Variants in IL1RAPL1 observed in about 807,000 individuals in gnomAD.
The protein encoded by IL1RAPL1 is interleukin-1 receptor accessory protein-like 1.
IL1RAPL1 carries 3 observed loss-of-function variants against 48.4 expected under a neutral mutation model. The observed-to-expected ratio is 0.06, with a 90% CI of 0.03 to 0.16. The LOEUF is 0.16. IL1RAPL1 is among the 10% of genes least tolerant of loss of function. The pLI is 1.00. For synonymous variants in IL1RAPL1, 185 were observed against 187.7 expected, an observed-to-expected ratio of 0.99 and a Z score of 0.12; for missense variants, 349 against 530.6, an observed-to-expected ratio of 0.66 and a Z score of 3.36.
chrX:29,561,568 T>G (rs1602297920), intron 5 of IL1RAPL1, among the ~76,000 whole-genome samples: 1 of 112,016 alleles, frequency 8.9e-6, no homozygotes, highest in East Asian at 2.8e-4. Flanking sequence ...TTGGGCAACA[T>G]TCTGACTAGC....
At chrX:28,650,843 T>A (rs1001620287) in intron 1 of IL1RAPL1, among the ~76,000 whole-genome samples, 4 of 112,043 alleles carry the variant, frequency 3.6e-5, no homozygotes, top group Non-Finnish European at 7.5e-5. Flanking sequence ...TTTTGTATGG[T>A]CTCCAAGCTA....
chrX:28,794,701 G>A (rs1016411723), intron 2 of IL1RAPL1, among the ~76,000 whole-genome samples: 10 of 111,938 alleles, frequency 8.9e-5, no homozygotes, highest in Non-Finnish European at 1.5e-4. Context: ...AGGAAGGCAA[G>A]CCTCAAAAGG....
At chrX:29,240,224 ATTTTTT>A (rs55639151) in intron 2 of IL1RAPL1, among the ~76,000 whole-genome samples, 2 of 13,339 alleles carry the variant, frequency 1.5e-4, no homozygotes, top group African/African-American at 8.1e-4. Context: ...ATATATATAT[ATTTTTT>A]TTTTTTTTTT....
intron 2 of IL1RAPL1, among the ~76,000 whole-genome samples, chrX:29,012,128 A>G (rs1376247489): frequency 8.9e-6 from 1 of 112,777 alleles, no homozygotes; most frequent in Non-Finnish European, 1.9e-5. Flanking sequence ...AATGCATATT[A>G]TGGAAAAGCA....
At chrX:28,963,389 AC>A (rs1240512715) in intron 2 of IL1RAPL1, among the ~76,000 whole-genome samples, 1 of 110,808 alleles carries the variant, frequency 9.0e-6, no homozygotes, top group Non-Finnish European at 1.9e-5. Context: ...TCCTCTGCAT[AC>A]CCCCAATATA....
intron 6 of IL1RAPL1, among the ~76,000 whole-genome samples, chrX:29,670,467 G>A (rs1288895379): frequency 9.0e-6 from 1 of 111,697 alleles, no homozygotes; most frequent in Non-Finnish European, 1.9e-5. Context: ...ATTTTGTTGT[G>A]TTTTATGATT....
intron 3 of IL1RAPL1, among the ~76,000 whole-genome samples, chrX:29,357,288 C>T (rs757418697): frequency 8.9e-6 from 1 of 111,855 alleles, no homozygotes; most frequent in African/African-American, 3.2e-5. Flanking sequence ...TTTAAAAGTA[C>T]TCTTCAGTGA....
rs370129379 is a variant in IL1RAPL1, at chrX:29,396,455, C to T, written c.549+11C>T. The T allele has an allele frequency of 3.8e-5, 45 of 1,198,232 alleles. No individual in the cohort carries two copies. The highest frequency in any genetic ancestry group is 4.8e-5 in the Non-Finnish European group (42 of 884,202). On this transcript the variant is annotated intron_variant, in intron 4 of 10. Coordinates refer to ENST00000378993, the MANE Select transcript of IL1RAPL1 (RefSeq NM_014271.4). Reference sequence around the variant, plus strand: ...ATCCTTTGGTACAAGGTATGGACTGCGGGTGGTTCTATTTCCTATTAACAA... The same window carrying T: ...ATCCTTTGGTACAAGGTATGGACTGTGGGTGGTTCTATTTCCTATTAACAA...
At position 29,222,193 on chromosome X, in the gene IL1RAPL1, G is replaced by A. The variant is rs184426078; in HGVS notation, c.83-60745G>A. 7.9e-3 allele frequency among the ~76,000 whole-genome samples: 875 copies of A among 111,017 alleles called. 7 individuals are homozygous for A. Among genetic ancestry groups the A allele is most frequent in the Non-Finnish European group, 0.012 (656 of 52,991 alleles). On this transcript the variant is annotated intron_variant, in intron 2 of 10. Transcript: ENST00000378993. ...TCCAATAGAGGATTCACCTCAAAGC[G>A]TTCAGCTTTGCCACCATCAAGAATA...
chrX:29,293,535 G>A (rs1031841511), intron 3 of IL1RAPL1, among the ~76,000 whole-genome samples: 3 of 111,382 alleles, frequency 2.7e-5, no homozygotes, highest in Middle Eastern at 4.7e-3. Context: ...ATAATTAGGT[G>A]CATAAAGTCC....
chrX:29,802,996 T>TAC, intron 6 of IL1RAPL1, among the ~76,000 whole-genome samples: 1 of 53,720 alleles, frequency 1.9e-5, no homozygotes, highest in Non-Finnish European at 3.2e-5. Context: ...TACATATATA[T>TAC]GTATGCATAT....
At chrX:29,527,326 C>T (rs200884841) in intron 5 of IL1RAPL1, among the ~76,000 whole-genome samples, 79 of 25,436 alleles carry the variant, frequency 3.1e-3, no homozygotes, top group African/African-American at 3.3e-3. Context: ...GGGAAGGACT[C>T]TTTTTTTTTT....
chrX:28,779,495 G>T (rs1233563307), intron 1 of IL1RAPL1, among the ~76,000 whole-genome samples: 1 of 107,114 alleles, frequency 9.3e-6, no homozygotes, highest in African/African-American at 3.4e-5. Context: ...GCTCTGACTA[G>T]AATACGAAAT....
intron 1 of IL1RAPL1, among the ~76,000 whole-genome samples, chrX:28,726,363 A>T (rs767481069): frequency 2.7e-5 from 3 of 112,646 alleles, no homozygotes; most frequent in Admixed American, 9.4e-5. Flanking sequence ...CTACTTGATT[A>T]TTAACAACAT....
chrX:28,935,301 G>A (rs537147541), intron 2 of IL1RAPL1, among the ~76,000 whole-genome samples: 14 of 111,148 alleles, frequency 1.3e-4, no homozygotes, highest in African/African-American at 2.0e-4. Context: ...TTTACAAAGC[G>A]TAAGGCAGAG....
intron 3 of IL1RAPL1, among the ~76,000 whole-genome samples, chrX:29,353,155 T>C (rs967854623): frequency 5.4e-5 from 6 of 112,048 alleles, no homozygotes; most frequent in Admixed American, 9.5e-5. Context: ...AATGAATGCA[T>C]GTCTTAGAAG....
At chrX:28,821,992 T>C (rs1303270631) in intron 2 of IL1RAPL1, among the ~76,000 whole-genome samples, 1 of 110,887 alleles carries the variant, frequency 9.0e-6, no homozygotes, top group Admixed American at 9.6e-5. Flanking sequence ...TCCTCTGTGA[T>C]TATGTTGGCT....
At chrX:29,867,469 A>G (rs1186654573) in intron 6 of IL1RAPL1, among the ~76,000 whole-genome samples, 4 of 111,685 alleles carry the variant, frequency 3.6e-5, no homozygotes, top group Non-Finnish European at 7.5e-5. Flanking sequence ...CCATTCCACC[A>G]CTTGAGGACA....
intron 6 of IL1RAPL1, among the ~76,000 whole-genome samples, chrX:29,833,242 T>C (rs1930922677): frequency 8.9e-6 from 1 of 111,855 alleles, no homozygotes; most frequent in Admixed American, 9.5e-5. Flanking sequence ...TGCACATGCA[T>C]GTATGTAGTA....
Sources: gnomAD v4.1 joint callset for allele counts (sites outside exome capture counted in the v4.1 genomes callset) on GRCh38, gnomAD v4.1.1 for gene constraint, MANE v1.5 for transcripts, NCBI Gene and HGNC (gene_info 2026-07-23, HGNC 2026-07-21) for gene names.